ALOX5AP: variants seen among roughly 807,000 people sequenced by gnomAD.
The protein encoded by ALOX5AP is arachidonate 5-lipoxygenase activating protein, also known as arachidonate 5-lipoxygenase-activating protein.
A neutral mutation model predicts 18.5 loss-of-function variants in ALOX5AP; 9 were observed. That is an observed-to-expected ratio of 0.49 (90% confidence interval 0.29 to 0.85). ALOX5AP has a LOEUF of 0.85. ALOX5AP is among the 40% of genes least tolerant of loss of function. The probability of loss-of-function intolerance (pLI) is 0.08; values close to 1 mark genes in which losing one functional copy is unlikely to be tolerated. For synonymous variants in ALOX5AP, 81 were observed against 78.6 expected (o/e 1.03, Z -0.16); for missense variants, 172 against 202.5 (o/e 0.85, Z 0.91).
intron 3 of ALOX5AP, among the ~76,000 whole-genome samples, chr13:30,754,547 C>T (rs1326513144): frequency 6.6e-6 from 1 of 152,174 alleles, no homozygotes; most frequent in Non-Finnish European, 1.5e-5. Flanking sequence ...TGTAAAACTG[C>T]CAATATCTGG....
chr13:30,761,001 C>T lies in ALOX5AP; in HGVS notation c.324-2943C>T, dbSNP rs536088946. On this transcript the variant is annotated intron_variant, in intron 4 of 4. Coordinates refer to ENST00000380490, the MANE Select transcript of ALOX5AP (RefSeq NM_001629.4). ...GTCTAGGCCCCCAAGGTCTTCCTTC[C>T]CTGCTCACAGCATTTCAGGTTCTCC... Among the ~76,000 whole-genome samples the T allele has an allele frequency of 2.1e-4, 32 of 152,322 alleles. No individual in the cohort carries two copies. In the East Asian group the frequency reaches 4.6e-3, roughly 22 times the overall value.
chr13:30,738,067 C>A (rs773076981), intron 1 of ALOX5AP, among the ~76,000 whole-genome samples: 1 of 152,156 alleles, frequency 6.6e-6, no homozygotes, highest in East Asian at 1.9e-4. Context: ...CTGAACATTT[C>A]CTGTTAGTTA....
At chr13:30,752,610 G>T (rs1430955624) in intron 3 of ALOX5AP, among the ~76,000 whole-genome samples, 1 of 152,182 alleles carries the variant, frequency 6.6e-6, no homozygotes, top group Non-Finnish European at 1.5e-5. Context: ...TGAGCAAGTT[G>T]GAAAGACAAA....
At chr13:30,722,105 A>G (rs1181412045) in intron 1 of ALOX5AP, among the ~76,000 whole-genome samples, 1 of 152,242 alleles carries the variant, frequency 6.6e-6, no homozygotes, top group African/African-American at 2.4e-5. Context: ...ATTCTGGCCA[A>G]TAAGATAGAA....
chr13:30,761,687 G>A (rs1329275003), intron 4 of ALOX5AP, among the ~76,000 whole-genome samples: 1 of 152,142 alleles, frequency 6.6e-6, no homozygotes, highest in African/African-American at 2.4e-5. Flanking sequence ...AGTGTGGGCA[G>A]GGTCGGTTTC....
At position 30,755,905 on chromosome 13, in the gene ALOX5AP, C is replaced by T; in HGVS notation, c.242-39C>T. ...TTGGGCTAACAGCATGTTTTGGTGG[C>T]TACGAAACTGACACAGGTGTTTTCA... is the stretch of plus-strand genomic sequence containing the variant. On this transcript the variant is annotated intron_variant, in intron 3 of 4. Coordinates refer to ENST00000380490, the MANE Select transcript of ALOX5AP (RefSeq NM_001629.4). 5.6e-6 allele frequency: 9 copies of T among 1,597,600 alleles called. No homozygotes were observed. The Admixed American group carries it at 1.3e-4, about 24-fold the overall frequency.
intron 1 of ALOX5AP, among the ~76,000 whole-genome samples, chr13:30,729,327 G>A (rs1951662675): frequency 1.3e-5 from 2 of 152,050 alleles, no homozygotes; most frequent in Non-Finnish European, 2.9e-5. Flanking sequence ...TTTTGGAAGG[G>A]TCAAGGTTCA....
At chr13:30,751,207 G>T (rs1478805456) in intron 2 of ALOX5AP, among the ~76,000 whole-genome samples, 1 of 152,150 alleles carries the variant, frequency 6.6e-6, no homozygotes. Context: ...GGGATTACAG[G>T]TGCTTGCCAC....
chr13:30,719,675 T>A (rs2137786403), intron 1 of ALOX5AP, among the ~76,000 whole-genome samples: 1 of 152,328 alleles, frequency 6.6e-6, no homozygotes, highest in East Asian at 1.9e-4. Context: ...TTTTGCTATG[T>A]CATAGGTTGT....
chr13:30,722,776 G>A (rs1439319226), intron 1 of ALOX5AP, among the ~76,000 whole-genome samples: 2 of 152,232 alleles, frequency 1.3e-5, no homozygotes, highest in Non-Finnish European at 2.9e-5. Flanking sequence ...TAACGAGTGA[G>A]TTTTTATTCT....
chr13:30,716,907 C>T (rs17216438), intron 1 of ALOX5AP, among the ~76,000 whole-genome samples: 20,249 of 152,280 alleles, frequency 0.13, 1,378 homozygotes, highest in South Asian at 0.21. Flanking sequence ...CATGGAGCCC[C>T]TACGGTCCTC....
At chr13:30,755,891 G>A in intron 3 of ALOX5AP, 53 bp from the exon 4 acceptor site, 2 of 1,556,840 alleles carry the variant, frequency 1.3e-6, no homozygotes, top group Middle Eastern at 1.7e-4. Context: ...TGGGCTAACA[G>A]CATGTTTTGG....
Position 30,764,347 on chromosome 13 carries a change from C to A in ALOX5AP, c.*241C>A. ...CCCATGCATTTTGTTTGTTTCTTCA[C>A]TTATCCTGTTCTCTGAAGATGTTTT... On this transcript the variant is annotated 3_prime_UTR_variant, in exon 5 of 5. Coordinates refer to ENST00000380490, the MANE Select transcript of ALOX5AP (RefSeq NM_001629.4). The A allele has an allele frequency of 2.2e-6, 1 of 457,636 alleles. No homozygotes were observed. The allele number at this position is 457,636 out of a possible 1,614,324, so 28.3% of individuals were successfully genotyped here. A position where few individuals can be genotyped will look rare whatever the true frequency, so the allele number is the denominator to read the frequency against.
chr13:30,764,187 G>C lies in ALOX5AP; in HGVS notation c.*81G>C. The C allele has an allele frequency of 6.9e-7, 1 of 1,452,640 alleles. No homozygotes were observed. The highest frequency in any genetic ancestry group is 9.3e-7 in the Non-Finnish European group (1 of 1,074,952). The allele number at this position is 1,452,640 out of a possible 1,614,324, so 90.0% of individuals were successfully genotyped here. A position where few individuals can be genotyped will look rare whatever the true frequency, so the allele number is the denominator to read the frequency against. On this transcript the variant is annotated 3_prime_UTR_variant, in exon 5 of 5. Coordinates refer to ENST00000380490, the MANE Select transcript of ALOX5AP (RefSeq NM_001629.4). ...ATAATTCAGCTCTTGAGAGCATTCT[G>C]CTCTTCTTTAGATGGCTGTAAATCT...
chr13:30,735,696 A>G, intron 1 of ALOX5AP, 21 bp downstream of exon 1: 2 of 1,613,304 alleles, frequency 1.2e-6, no homozygotes, highest in South Asian at 1.1e-5. Context: ...CCCTTCACTC[A>G]GGGAAGAACA....
upstream of ALOX5AP, among the ~76,000 whole-genome samples, chr13:30,733,424 G>A (rs1314161572): frequency 6.6e-6 from 1 of 152,174 alleles, no homozygotes. Flanking sequence ...ACGCTTTATG[G>A]GGTTCAAACT....
At chr13:30,760,023 T>C (rs1363960516) in intron 4 of ALOX5AP, among the ~76,000 whole-genome samples, 3 of 152,208 alleles carry the variant, frequency 2.0e-5, no homozygotes, top group Non-Finnish European at 2.9e-5. Flanking sequence ...GAGAAATGAT[T>C]CATTCATTTC....
intron 2 of ALOX5AP, among the ~76,000 whole-genome samples, chr13:30,750,157 C>T (rs17245225): frequency 0.065 from 9,856 of 152,132 alleles, 449 homozygotes; most frequent in Non-Finnish European, 0.1. Flanking sequence ...ATGCTGCTGC[C>T]GCCTCTGGTC....
intron 1 of ALOX5AP, among the ~76,000 whole-genome samples, chr13:30,739,267 C>T (rs1951744104): frequency 6.6e-6 from 1 of 152,186 alleles, no homozygotes; most frequent in African/African-American, 2.4e-5. Context: ...TTAATCCTTG[C>T]ACTCACCCAC....
Sources: gnomAD v4.1 joint callset for allele counts (sites outside exome capture counted in the v4.1 genomes callset) on GRCh38, gnomAD v4.1.1 for gene constraint, MANE v1.5 for transcripts, NCBI Gene and HGNC (gene_info 2026-07-23, HGNC 2026-07-21) for gene names.